Variants in CTNNA3 observed in about 807,000 individuals in gnomAD.
The protein encoded by CTNNA3 is catenin alpha-3.
A neutral mutation model predicts 95.7 loss-of-function variants in CTNNA3; 76 were observed. The ratio of observed to expected loss-of-function variants is 0.79; its 90% CI spans 0.66 to 0.96. The LOEUF is 0.96. Ranked by LOEUF, CTNNA3 falls within the 40% of genes least tolerant of loss-of-function variation. The pLI, the probability that CTNNA3 is intolerant of heterozygous loss-of-function variation, is 0.00. For missense variants in CTNNA3, 1,191 were observed against 1,089.8 expected, an observed-to-expected ratio of 1.09 and a Z score of -1.31; for synonymous variants, 431 against 374.4, an observed-to-expected ratio of 1.15 and a Z score of -1.74.
chr10:66,693,006 G>T (rs1265087823), intron 9 of CTNNA3, among the ~76,000 whole-genome samples: 2 of 152,092 alleles, frequency 1.3e-5, no homozygotes, highest in African/African-American at 4.8e-5. Flanking sequence ...CACTGCAAAA[G>T]CATGCCAAAT....
intron 2 of CTNNA3, among the ~76,000 whole-genome samples, chr10:67,612,472 G>A (rs997242901): frequency 3.3e-5 from 5 of 152,140 alleles, no homozygotes; most frequent in African/African-American, 1.2e-4. Flanking sequence ...AGAAAATTGT[G>A]TGCAAAGGGG....
intron 11 of CTNNA3, among the ~76,000 whole-genome samples, chr10:66,473,062 G>C (rs1047109961): frequency 7.9e-5 from 12 of 151,978 alleles, no homozygotes; most frequent in Non-Finnish European, 1.6e-4. Context: ...TATTTATGGA[G>C]TACAGTGAGC....
intron 5 of CTNNA3, among the ~76,000 whole-genome samples, chr10:67,449,571 A>C (rs1191863647): frequency 1.3e-5 from 2 of 152,206 alleles, no homozygotes; most frequent in South Asian, 2.1e-4. Context: ...AGGACTCCCT[A>C]TTCAATAAAT....
intron 10 of CTNNA3, among the ~76,000 whole-genome samples, chr10:66,523,498 A>T (rs962718643): frequency 2.0e-5 from 3 of 152,188 alleles, no homozygotes; most frequent in Non-Finnish European, 4.4e-5. Context: ...TGTTCATCCC[A>T]ATGTCACACT....
chr10:66,545,752 G>A (rs549904328), intron 10 of CTNNA3, among the ~76,000 whole-genome samples: 79 of 151,780 alleles, frequency 5.2e-4, no homozygotes, highest in African/African-American at 1.8e-3. Context: ...TTTTTTATTC[G>A]GAGTTACCAA....
At chr10:66,564,523 G>T (rs72799213) in intron 10 of CTNNA3, among the ~76,000 whole-genome samples, 1 of 152,132 alleles carries the variant, frequency 6.6e-6, no homozygotes, top group African/African-American at 2.4e-5. Flanking sequence ...TTGCCCCATT[G>T]CTTAACTACT....
chr10:67,657,586 C>A (rs961939738), intron 1 of CTNNA3, among the ~76,000 whole-genome samples: 63 of 152,080 alleles, frequency 4.1e-4, no homozygotes, highest in Admixed American at 6.5e-5. Context: ...TGGCTCACAC[C>A]TGTAATTCCA....
At chr10:66,462,443 G>A (rs1018732352) in intron 11 of CTNNA3, among the ~76,000 whole-genome samples, 8 of 151,884 alleles carry the variant, frequency 5.3e-5, no homozygotes, top group African/African-American at 1.9e-4. Flanking sequence ...CCTCCCACAA[G>A]TAATATCATT....
intron 11 of CTNNA3, among the ~76,000 whole-genome samples, chr10:66,460,217 T>C (rs1049837648): frequency 6.6e-6 from 1 of 152,170 alleles, no homozygotes; most frequent in South Asian, 2.1e-4. Flanking sequence ...AAGCCTTCAC[T>C]CACACTCTTC....
Position 65,970,889 on chromosome 10 carries a change from A to G in CTNNA3, c.2266-4143T>C, listed in dbSNP as rs545919662. ...GAATTCATAAAACAAGTACTTCTAG[A>G]TCTACAAAAAGGCTTAGATAGCCAC... On this transcript the variant is annotated intron_variant, in intron 16 of 17. Coordinates refer to ENST00000433211, the MANE Select transcript of CTNNA3 (RefSeq NM_013266.4). Among the ~76,000 whole-genome samples the G allele has an allele frequency of 1.5e-4, 23 of 151,500 alleles. No homozygotes were observed. In the South Asian group the frequency reaches 2.3e-3, roughly 15 times the overall value.
intron 7 of CTNNA3, among the ~76,000 whole-genome samples, chr10:66,909,707 GC>G (rs1014148881): frequency 6.6e-6 from 1 of 152,092 alleles, no homozygotes; most frequent in Non-Finnish European, 1.5e-5. Flanking sequence ...TGGTTAATTG[GC>G]CCAAATTTTG....
At chr10:66,315,001 A>G (rs975072120) in intron 12 of CTNNA3, among the ~76,000 whole-genome samples, 3 of 152,074 alleles carry the variant, frequency 2.0e-5, no homozygotes, top group Non-Finnish European at 4.4e-5. Flanking sequence ...TCACTTTTTC[A>G]TGGACTTACC....
rs2132351173 is a variant in CTNNA3, at chr10:66,633,333, A to T, written c.1282-11549T>A. Among the ~76,000 whole-genome samples the T allele has an allele frequency of 2.6e-5, 4 of 152,340 alleles. No homozygotes were observed. The Middle Eastern group carries it at 0.014, about 518-fold the overall frequency. ...TATGCTGCTGTAAAATATCTCAAGT[A>T]TATAATTTTAAGTGAGATACTGCAG... On this transcript the variant is annotated intron_variant, in intron 9 of 17. Transcript: ENST00000433211.
intron 5 of CTNNA3, among the ~76,000 whole-genome samples, chr10:67,280,845 C>T (rs1011809653): frequency 5.3e-5 from 8 of 152,118 alleles, no homozygotes; most frequent in African/African-American, 1.4e-4. Flanking sequence ...TAAGCTTCAA[C>T]TGTCTGTCTG....
Position 67,158,365 on chromosome 10 carries a change from G to C in CTNNA3, c.1047+21952C>G, listed in dbSNP as rs543196498. Among the ~76,000 whole-genome samples the C allele has an allele frequency of 4.2e-4, 64 of 152,264 alleles. No homozygotes were observed. In the South Asian group the frequency reaches 0.013, roughly 31 times the overall value. Reference sequence around the variant, plus strand: ...TTTACATGCTCAACTGAATCATACGGTTGCAAGCTGTTTTAGAAATCATCA... The same window carrying C: ...TTTACATGCTCAACTGAATCATACGCTTGCAAGCTGTTTTAGAAATCATCA... On this transcript the variant is annotated intron_variant, in intron 7 of 17. Transcript: ENST00000433211.
chr10:66,446,551 T>C (rs542380742), intron 11 of CTNNA3, among the ~76,000 whole-genome samples: 63 of 151,698 alleles, frequency 4.2e-4, no homozygotes, highest in African/African-American at 1.5e-3. Flanking sequence ...ATCCAGCATA[T>C]AAACAGAACC....
chr10:66,386,678 G>A (rs1347370914), intron 11 of CTNNA3, among the ~76,000 whole-genome samples: 4 of 152,076 alleles, frequency 2.6e-5, no homozygotes, highest in Non-Finnish European at 5.9e-5. Flanking sequence ...GAGGCATCAT[G>A]CTACTTGACT....
chr10:67,017,840 G>A (rs1852755284), intron 7 of CTNNA3, among the ~76,000 whole-genome samples: 1 of 151,974 alleles, frequency 6.6e-6, no homozygotes, highest in South Asian at 2.1e-4. Context: ...CCCAATCTCG[G>A]CTCACTGCAA....
intron 3 of CTNNA3, among the ~76,000 whole-genome samples, chr10:67,597,898 T>C (rs967513276): frequency 6.6e-5 from 10 of 152,286 alleles, no homozygotes; most frequent in African/African-American, 2.2e-4. Flanking sequence ...TGAGGGCCCA[T>C]CTGCAAAAGT....
Sources: gnomAD v4.1 joint callset for allele counts (sites outside exome capture counted in the v4.1 genomes callset) on GRCh38, gnomAD v4.1.1 for gene constraint, MANE v1.5 for transcripts, NCBI Gene and HGNC (gene_info 2026-07-23, HGNC 2026-07-21) for gene names.